Variants in SGCD observed in about 807,000 individuals in gnomAD.
SGCD encodes the protein sarcoglycan delta, also known as delta-sarcoglycan.
A neutral mutation model predicts 36.6 loss-of-function variants in SGCD; 18 were observed. That is an observed-to-expected ratio of 0.49 (90% CI 0.34 to 0.73). The LOEUF (loss-of-function observed/expected upper bound fraction) is 0.73. Among genes scored for constraint, SGCD ranks in the 30% least tolerant of loss-of-function variants. SGCD has a pLI of 0.01. For synonymous variants in SGCD, 133 were observed against 130.6 expected (o/e 1.02, Z -0.12); for missense variants, 387 against 346.7 (o/e 1.12, Z -0.92).
At chr5:156,344,322 A>G (rs1481965122) in intron 2 of SGCD, among the ~76,000 whole-genome samples, 167 bp from the exon 3 acceptor site, 1 of 152,220 alleles carries the variant, frequency 6.6e-6, no homozygotes, top group African/African-American at 2.4e-5. Flanking sequence ...GCATCCAGAG[A>G]AGTCACTTTT....
chr5:156,264,152 A>G (rs1765943681), intron 3 of SGCD, among the ~76,000 whole-genome samples: 1 of 152,134 alleles, frequency 6.6e-6, no homozygotes, highest in South Asian at 2.1e-4. Context: ...ATTTAAAAAT[A>G]GAAAGTGAAC....
chr5:156,552,141 C>A (rs1315774515), intron 4 of SGCD, among the ~76,000 whole-genome samples: 1 of 152,188 alleles, frequency 6.6e-6, no homozygotes, highest in African/African-American at 2.4e-5. Flanking sequence ...AGCGAGAACT[C>A]CCATCCCCAC....
intron 7 of SGCD, among the ~76,000 whole-genome samples, chr5:156,715,943 G>A (rs933479595): frequency 2.0e-5 from 3 of 152,190 alleles, no homozygotes; most frequent in Admixed American, 1.3e-4. Context: ...GGGAGCCAAG[G>A]CAAAGATGTT....
intron 4 of SGCD, among the ~76,000 whole-genome samples, chr5:156,539,480 G>A (rs1019874279): frequency 6.6e-6 from 1 of 151,312 alleles, no homozygotes; most frequent in African/African-American, 2.4e-5. Flanking sequence ...TCATAGCTTA[G>A]CTCCCACTTA....
intron 3 of SGCD, among the ~76,000 whole-genome samples, chr5:156,273,518 G>A (rs563661677): frequency 9.2e-5 from 14 of 152,174 alleles, no homozygotes; most frequent in Admixed American, 7.2e-4. Flanking sequence ...CTTTCTAATC[G>A]GGCTCTGCTG....
At chr5:155,834,055 C>G in the SGCD span, among the ~76,000 whole-genome samples, 1 of 152,200 alleles carries the variant, frequency 6.6e-6, no homozygotes, top group Non-Finnish European at 1.5e-5. Context: ...CCTTACCATC[C>G]TTTAAAGGCC....
intron 1 of SGCD, among the ~76,000 whole-genome samples, chr5:155,954,902 A>G (rs965594148): frequency 1.3e-5 from 2 of 152,160 alleles, no homozygotes; most frequent in Admixed American, 1.3e-4. Context: ...AGTGCCTGAG[A>G]GCCAGAAGAG....
At chr5:156,141,701 T>G (rs10053788) in intron 3 of SGCD, among the ~76,000 whole-genome samples, 3 of 152,016 alleles carry the variant, frequency 2.0e-5, no homozygotes, top group African/African-American at 7.3e-5. Flanking sequence ...AAGAGAAGTG[T>G]TTGAATTTAC....
intron 1 of SGCD, among the ~76,000 whole-genome samples, chr5:155,988,593 G>A (rs17053110): frequency 0.093 from 14,118 of 151,716 alleles, 841 homozygotes; most frequent in East Asian, 0.24. Flanking sequence ...TCCAGTCTCC[G>A]TCATACTTTA....
chr5:156,338,893 A>G (rs549449011), intron 2 of SGCD, among the ~76,000 whole-genome samples: 1 of 152,260 alleles, frequency 6.6e-6, no homozygotes, highest in East Asian at 1.9e-4. Flanking sequence ...TCGATCCTTG[A>G]CTTCACAAGC....
intron 1 of SGCD, among the ~76,000 whole-genome samples, chr5:155,886,429 G>T (rs1269468138): frequency 6.6e-6 from 1 of 152,144 alleles, no homozygotes; most frequent in African/African-American, 2.4e-5. Flanking sequence ...TACATCCATG[G>T]TCCAGTCAGA....
intron 3 of SGCD, among the ~76,000 whole-genome samples, chr5:156,270,165 A>T (rs1766136560): frequency 6.6e-6 from 1 of 152,162 alleles, no homozygotes. Flanking sequence ...TTTGTTGAAG[A>T]TCAGATGGTC....
intron 1 of SGCD, among the ~76,000 whole-genome samples, chr5:155,994,748 A>G (rs1032189445): frequency 2.6e-5 from 4 of 152,226 alleles, no homozygotes; most frequent in African/African-American, 4.8e-5. Flanking sequence ...AATTATGTTA[A>G]TTAGAATGTC....
intron 3 of SGCD, among the ~76,000 whole-genome samples, chr5:156,229,277 C>CATACATATATATATATATATATAT (rs1764942419): frequency 3.7e-4 from 21 of 56,464 alleles, no homozygotes; most frequent in African/African-American, 1.4e-3. Context: ...TATATACATA[C>CATACATATATATATATATATATAT]ATATATATAT....
At chr5:155,739,964 C>T in the SGCD span, among the ~76,000 whole-genome samples, 1 of 152,164 alleles carries the variant, frequency 6.6e-6, no homozygotes, top group Non-Finnish European at 1.5e-5. Flanking sequence ...ACAATTCTGC[C>T]TCCCTGCCCT....
At position 156,728,508 on chromosome 5, in the gene SGCD, C is replaced by CAAAAAAA. The variant is rs34726270; in HGVS notation, c.576-29051_576-29045dup. Among the ~76,000 whole-genome samples the CAAAAAAA allele has an allele frequency of 1.3e-4, 6 of 46,554 alleles. 1 individual carries two copies. The highest frequency in any genetic ancestry group is 1.4e-3 in the South Asian group (1 of 736). 30.5% of individuals were successfully genotyped at this position (46,554 alleles called of 152,430 possible). A position where few individuals can be genotyped will look rare whatever the true frequency, so the allele number is the denominator to read the frequency against. On this transcript the variant is annotated intron_variant, in intron 7 of 8. Transcript: ENST00000337851. ...CCTGGGTGACAGAGCGAGACTCTGTCAAAAAAAAAAAAAAAAAAAAAAAAA... is the reference window on the plus strand; with the variant it reads ...CCTGGGTGACAGAGCGAGACTCTGTCAAAAAAAAAAAAAAAAAAAAAAAAAAAAAAAA...
the SGCD span, among the ~76,000 whole-genome samples, chr5:155,780,176 G>A: frequency 6.6e-6 from 1 of 151,980 alleles, no homozygotes; most frequent in Non-Finnish European, 1.5e-5. Context: ...TCTGATTATA[G>A]CATGGAAGAT....
At chr5:156,243,239 T>C (rs1765349616) in intron 3 of SGCD, among the ~76,000 whole-genome samples, 1 of 149,766 alleles carries the variant, frequency 6.7e-6, no homozygotes, top group Admixed American at 6.7e-5. Context: ...GAAGGAGGGC[T>C]TCCACATGGA....
At chr5:155,923,935 G>T (rs551672344) in intron 1 of SGCD, among the ~76,000 whole-genome samples, 1 of 152,216 alleles carries the variant, frequency 6.6e-6, no homozygotes, top group African/African-American at 2.4e-5. Context: ...CCACACTGTG[G>T]GTGTGAAAGG....
Sources: gnomAD v4.1 joint callset for allele counts (sites outside exome capture counted in the v4.1 genomes callset) on GRCh38, gnomAD v4.1.1 for gene constraint, MANE v1.5 for transcripts, NCBI Gene and HGNC (gene_info 2026-07-23, HGNC 2026-07-21) for gene names.